The following HACL2 variants were observed in gnomAD, a reference collection of about 807,000 sequenced individuals.
HACL2 encodes the protein 2-hydroxyacyl-CoA lyase 2, also known as 2-hydroxyacyl-CoA lyase 1 like.
the HACL2 span, chr19:15,124,788 C>A: frequency 8.4e-7 from 1 of 1,197,472 alleles, no homozygotes; most frequent in Non-Finnish European, 1.2e-6. Flanking sequence ...GGGCCCTGGA[C>A]AGAACCTCTT....
At chr19:15,125,748 T>G in the HACL2 span, 4 of 152,352 alleles carry the variant, frequency 2.6e-5, 1 homozygote, top group South Asian at 8.3e-4. Flanking sequence ...GGTGGCCCAC[T>G]TGGCTCAGCG....
the HACL2 span, chr19:15,116,940 C>G: frequency 5.5e-6 from 1 of 183,316 alleles, no homozygotes; most frequent in East Asian, 1.8e-4. Context: ...CTTTCACCAC[C>G]CCATTTTTCA....
the HACL2 span, chr19:15,125,032 C>A: frequency 1.9e-6 from 3 of 1,563,822 alleles, no homozygotes; most frequent in Admixed American, 3.8e-5. Context: ...AAGCTCCCAG[C>A]GGGGGCGGCG....
the HACL2 span, chr19:15,115,380 G>A: frequency 3.0e-5 from 49 of 1,613,880 alleles, no homozygotes; most frequent in Admixed American, 1.0e-4. Flanking sequence ...TCGTTCTCCC[G>A]TGAGAGCAGC....
At chr19:15,119,295 C>A in the HACL2 span, 1 of 1,603,932 alleles carries the variant, frequency 6.2e-7, no homozygotes. Flanking sequence ...AAGGTCTCCA[C>A]GGCAGCCCTG....
At chr19:15,115,904 C>T in the HACL2 span, 7 of 1,614,170 alleles carry the variant, frequency 4.3e-6, no homozygotes, top group Non-Finnish European at 5.9e-6. Context: ...AAGCTCCGTC[C>T]CCAAACAGGC....
At chr19:15,124,930 G>A in the HACL2 span, 4 of 1,606,018 alleles carry the variant, frequency 2.5e-6, no homozygotes, top group African/African-American at 2.7e-5. Context: ...CGCACCTTGT[G>A]CAGCAGCTGA....
chr19:15,117,973 C>T, the HACL2 span: 1 of 1,614,192 alleles, frequency 6.2e-7, no homozygotes, highest in Non-Finnish European at 8.5e-7. Flanking sequence ...GCTGCTGTGG[C>T]TGAGGACACG....
the HACL2 span, chr19:15,115,183 T>G: frequency 1.9e-6 from 3 of 1,581,572 alleles, no homozygotes; most frequent in South Asian, 1.1e-5. Context: ...CAAGCAATGA[T>G]GAGACTCCAA....
At chr19:15,123,240 G>A in the HACL2 span, 34 of 1,613,536 alleles carry the variant, frequency 2.1e-5, 1 homozygote, top group East Asian at 3.8e-4. This position sits in a 1 kb window ranked among gnomAD's most constrained non-coding sequence, Gnocchi z 5.1. Context: ...CACGCCCACC[G>A]TCCCTGGAAC....
At chr19:15,121,657 G>C in the HACL2 span, among the ~76,000 whole-genome samples, 4 of 151,258 alleles carry the variant, frequency 2.6e-5, no homozygotes, top group Non-Finnish European at 4.4e-5. Context: ...AAAAATACAA[G>C]TATTAGCCAG....
the HACL2 span, chr19:15,115,998 C>T: frequency 4.5e-5 from 72 of 1,614,008 alleles, 2 homozygotes; most frequent in South Asian, 7.1e-4. Flanking sequence ...TCCAGTGCCT[C>T]ACCTCAGCAT....
chr19:15,116,273 C>T, the HACL2 span: 1 of 1,614,058 alleles, frequency 6.2e-7, no homozygotes, highest in Non-Finnish European at 8.5e-7. Context: ...CCAGCTGCAG[C>T]ACCTGCACTG....
At chr19:15,125,393 G>C in the HACL2 span, 141 of 281,810 alleles carry the variant, frequency 5.0e-4, 1 homozygote, top group Admixed American at 2.3e-3. Context: ...CTTGTCAATG[G>C]ACAGGCGGAA....
chr19:15,121,115 T>C, the HACL2 span, among the ~76,000 whole-genome samples: 2 of 151,850 alleles, frequency 1.3e-5, no homozygotes, highest in Non-Finnish European at 2.9e-5. Flanking sequence ...AAAAATTAGC[T>C]GGGTATGGTG....
chr19:15,116,448 C>A, the HACL2 span: 6 of 1,613,978 alleles, frequency 3.7e-6, no homozygotes, highest in Non-Finnish European at 5.1e-6. Flanking sequence ...TCCCGCAGCT[C>A]CTCCACCCAG....
At chr19:15,123,049 T>C in the HACL2 span, 3 of 1,607,696 alleles carry the variant, frequency 1.9e-6, no homozygotes, top group Non-Finnish European at 2.5e-6. The surrounding 1 kb of genome is among the most constrained non-coding windows in gnomAD (Gnocchi z 5.1). Flanking sequence ...GACAGAGGTG[T>C]GGCAGGGTTA....
At chr19:15,122,860 A>T in the HACL2 span, 1 of 1,612,570 alleles carries the variant, frequency 6.2e-7, no homozygotes, top group Non-Finnish European at 8.5e-7. This position sits in a 1 kb window ranked among gnomAD's most constrained non-coding sequence, Gnocchi z 4.0. Context: ...CCTCGGCCCC[A>T]GCACTGCTCA....
At chr19:15,118,475 A>G in the HACL2 span, among the ~76,000 whole-genome samples, 1 of 152,060 alleles carries the variant, frequency 6.6e-6, no homozygotes, top group East Asian at 1.9e-4. Flanking sequence ...CTGGGAGGAA[A>G]CCGGAGCCAC....
Sources: allele counts gnomAD v4.1 joint callset (sites outside exome capture counted in the v4.1 genomes callset), GRCh38; gene constraint gnomAD v4.1.1; non-coding constraint Gnocchi (gnomAD v3.1); transcripts MANE v1.5; gene names NCBI Gene and HGNC (gene_info 2026-07-23, HGNC 2026-07-21).